The following KCMF1 variants were observed in gnomAD, a reference collection of about 807,000 sequenced individuals.
KCMF1 encodes the protein potassium channel modulatory factor 1, also known as E3 ubiquitin-protein ligase KCMF1.
A neutral mutation model predicts 41.1 loss-of-function variants in KCMF1; 3 were observed. The ratio of observed to expected loss-of-function variants is 0.07; its 90% CI spans 0.03 to 0.19. KCMF1 has a LOEUF of 0.19. Ranked by LOEUF, KCMF1 falls within the 10% of genes least tolerant of loss-of-function variation. The pLI is 1.00. For synonymous variants in KCMF1, 142 were observed against 164.5 expected (o/e 0.86, Z 1.04); for missense variants, 286 against 488.9 (o/e 0.58, Z 3.91).
At position 85,049,466 on chromosome 2, in the gene KCMF1, G is replaced by C. The variant is rs759217774; in HGVS notation, c.702G>C (p.Leu234=). ...AGTTACAACAACTGCAGATGCAGCT[G>C]CAGCTAGAACGGCAGCATGCCCAGG... is the stretch of plus-strand genomic sequence containing the variant. The part of the protein sequence containing the change: ...ASQLQQLQMQ[L]QLERQHAQAA... The change falls in exon 6 of 7, where the codon CTG becomes CTC. Residue 234 remains leucine, a synonymous_variant. Transcript: ENST00000409785. 1.9e-6 allele frequency: 3 copies of C among 1,614,052 alleles called. No individual in the cohort carries two copies. The South Asian group carries it at 3.3e-5, about 18-fold the overall frequency.
chr2:85,021,175 A>G (rs1290107331), intron 1 of KCMF1, among the ~76,000 whole-genome samples: 4 of 152,180 alleles, frequency 2.6e-5, no homozygotes, highest in African/African-American at 9.7e-5. Flanking sequence ...TTGCTGAAAA[A>G]TTGCTGCCAT....
chr2:85,025,876 C>CAGCTTTGCTTACTGTA (rs1675090924), intron 1 of KCMF1, among the ~76,000 whole-genome samples: 1 of 152,170 alleles, frequency 6.6e-6, no homozygotes, highest in Admixed American at 6.6e-5. Context: ...CTCTATCTAA[C>CAGCTTTGCTTACTGTA]AGCTTTGCTT....
chr2:85,056,736 CTA>C lies in KCMF1; in HGVS notation c.*3328_*3329del, dbSNP rs1675941556. The C allele has an allele frequency of 6.6e-6, 1 of 152,128 alleles. No individual in the cohort carries two copies. Among genetic ancestry groups the C allele is most frequent in the Non-Finnish European group, 1.5e-5 (1 of 68,044 alleles). The allele number at this position is 152,128 out of a possible 1,614,324, so 9.4% of individuals were successfully genotyped here. ...TACTGATACAGGCATGTGTAAAAAACTAAGTGTGATGGAGGAATGGGTGCTAA... is the reference window on the plus strand; with the variant it reads ...TACTGATACAGGCATGTGTAAAAAACAGTGTGATGGAGGAATGGGTGCTAA... On this transcript the variant is annotated 3_prime_UTR_variant, in exon 7 of 7. Transcript: ENST00000409785.
chr2:85,048,457 A>G (rs982463649), intron 5 of KCMF1, among the ~76,000 whole-genome samples: 1 of 152,342 alleles, frequency 6.6e-6, no homozygotes, highest in East Asian at 1.9e-4. Flanking sequence ...TAAGAGTGCT[A>G]TAAAAAGCCT....
chr2:85,035,244 TCC>T, intron 3 of KCMF1, 89 bp downstream of exon 3: 1 of 1,088,160 alleles, frequency 9.2e-7, no homozygotes. Context: ...GTCATCTGCT[TCC>T]TGCTCAGTGT....
At chr2:85,020,408 C>T (rs140218756) in intron 1 of KCMF1, among the ~76,000 whole-genome samples, 1,550 of 152,214 alleles carry the variant, frequency 0.01, 19 homozygotes, top group Admixed American at 0.017. Context: ...CTTAAAGCAT[C>T]GTCATGCATG....
intron 1 of KCMF1, among the ~76,000 whole-genome samples, chr2:85,015,931 T>G (rs1021876444): frequency 1.3e-5 from 2 of 152,250 alleles, no homozygotes; most frequent in African/African-American, 4.8e-5. Context: ...TTTTGTTCAC[T>G]GCTGTATCTT....
chr2:85,001,322 T>G (rs1408504531), intron 1 of KCMF1, among the ~76,000 whole-genome samples: 1 of 151,798 alleles, frequency 6.6e-6, no homozygotes, highest in Non-Finnish European at 1.5e-5. Context: ...CATGCCCAGC[T>G]AATTTTTGTA....
intron 1 of KCMF1, among the ~76,000 whole-genome samples, chr2:84,973,501 A>T (rs181733812): frequency 6.6e-6 from 1 of 152,338 alleles, no homozygotes; most frequent in South Asian, 2.1e-4. Context: ...AATAGAACAT[A>T]CCTAATGAAA....
intron 1 of KCMF1, among the ~76,000 whole-genome samples, chr2:85,005,347 G>A (rs1324252299): frequency 6.6e-6 from 1 of 151,174 alleles, no homozygotes; most frequent in Non-Finnish European, 1.5e-5. Context: ...GGAGTGCAGT[G>A]GCACGATCTC....
chr2:85,008,288 TA>T lies in KCMF1; in HGVS notation c.17-19599del, dbSNP rs1331651829. ...CATATATAATATATAATATGATATA[TA>T]ATATATATAATATATAATATGATAT... On this transcript the variant is annotated intron_variant, in intron 1 of 6. Coordinates refer to ENST00000409785, the MANE Select transcript of KCMF1 (RefSeq NM_020122.5). Among the ~76,000 whole-genome samples the T allele has an allele frequency of 4.7e-4, 45 of 96,472 alleles. 2 individuals are homozygous for T. Among genetic ancestry groups the T allele is most frequent in the African/African-American group, 1.6e-3 (37 of 23,270 alleles). The allele number at this position is 96,472 out of a possible 152,430, so 63.3% of individuals were successfully genotyped here. A position where few individuals can be genotyped will look rare whatever the true frequency, so the allele number is the denominator to read the frequency against.
chr2:85,030,125 A>G (rs1037518713), intron 2 of KCMF1, among the ~76,000 whole-genome samples: 29 of 152,080 alleles, frequency 1.9e-4, no homozygotes, highest in Non-Finnish European at 4.0e-4. Flanking sequence ...TCTTGTGCTT[A>G]TGGGCCATTT....
Position 85,043,647 on chromosome 2 carries a change from C to A in KCMF1, c.408C>A (p.His136Gln). Reference sequence around the variant, plus strand: ...TTGCAGCTCATCTTACACTTGAACACAGAGCCCCTAGAGATTTAATATCCT... The same window carrying A: ...TTGCAGCTCATCTTACACTTGAACAAAGAGCCCCTAGAGATTTAATATCCT... ...DDFAAHLTLEHRAPRDLDESS... is the reference protein window; with the variant it reads ...DDFAAHLTLEQRAPRDLDESS... The change falls in exon 4 of 7, where the codon CAC becomes CAA. Residue 136 changes from histidine (H) to glutamine (Q), a missense_variant. Physicochemically the swap from His to Gln is conservative, Grantham distance 24 (BLOSUM62 0). Around this residue, in one of 2 missense-constraint regions of KCMF1, gnomAD observed 95 missense variants for 209.6 expected, o/e 0.45. Coordinates refer to ENST00000409785, the MANE Select transcript of KCMF1 (RefSeq NM_020122.5). 1 of 1,605,712 alleles carries A rather than the reference C, an allele frequency of 6.2e-7. No homozygotes were observed. Among genetic ancestry groups the A allele is most frequent in the Non-Finnish European group, 8.5e-7 (1 of 1,172,650 alleles).
At chr2:84,991,465 A>C (rs1192670421) in intron 1 of KCMF1, among the ~76,000 whole-genome samples, 1 of 152,218 alleles carries the variant, frequency 6.6e-6, no homozygotes, top group Non-Finnish European at 1.5e-5. Flanking sequence ...TGATGTGATT[A>C]TGTTGCCTTT....
chr2:85,008,255 T>TCA (rs1491266401), intron 1 of KCMF1, among the ~76,000 whole-genome samples: 2 of 64,022 alleles, frequency 3.1e-5, no homozygotes, highest in African/African-American at 1.4e-4. Context: ...ATGATATATA[T>TCA]TATATATCAT....
At chr2:85,006,150 A>T (rs1174223424) in intron 1 of KCMF1, among the ~76,000 whole-genome samples, 1 of 151,078 alleles carries the variant, frequency 6.6e-6, no homozygotes, top group Non-Finnish European at 1.5e-5. Flanking sequence ...TTGTCATTTG[A>T]GTTTGTTTAT....
chr2:85,004,405 T>C (rs6756795), intron 1 of KCMF1, among the ~76,000 whole-genome samples: 152,058 of 152,062 alleles, frequency 1, 76,027 homozygotes, highest in Middle Eastern at 1. Context: ...CCAGCTACTC[T>C]GGAGGCTGAG....
intron 1 of KCMF1, among the ~76,000 whole-genome samples, chr2:84,980,893 G>C (rs751634153): frequency 7.9e-5 from 12 of 151,876 alleles, no homozygotes; most frequent in African/African-American, 2.9e-4. Context: ...CTCTTGCCTC[G>C]GCCTCACAAT....
intron 1 of KCMF1, among the ~76,000 whole-genome samples, chr2:85,004,275 G>A (rs1213066583): frequency 2.0e-5 from 3 of 152,240 alleles, no homozygotes; most frequent in East Asian, 3.9e-4. Flanking sequence ...ACTTTGGGAG[G>A]CCAAGGCGGG....
Sources: gnomAD v4.1 joint callset for allele counts (sites outside exome capture counted in the v4.1 genomes callset) on GRCh38, gnomAD v4.1.1 for gene constraint, gnomAD v4.1.1 regional missense constraint, MANE v1.5 for transcripts, NCBI Gene and HGNC (gene_info 2026-07-23, HGNC 2026-07-21) for gene names.